COG6: variants seen among roughly 807,000 people sequenced by gnomAD.
COG6 encodes conserved oligomeric Golgi complex subunit 6.
In COG6, 74 loss-of-function variants were observed where a neutral mutation model predicts 88.8. That is an observed-to-expected ratio of 0.83 (90% CI 0.69 to 1.01). The LOEUF is 1.01. Ranked by LOEUF, COG6 falls within the 50% of genes least tolerant of loss-of-function variation. The probability of loss-of-function intolerance (pLI) is 0.00; values close to 1 mark genes in which losing one functional copy is unlikely to be tolerated. For synonymous variants in COG6, 286 were observed against 278.7 expected (o/e 1.03, Z -0.26); for missense variants, 800 against 797.9 (o/e 1.00, Z -0.03).
chr13:39,733,930 T>C (rs1193925209), intron 18 of COG6, among the ~76,000 whole-genome samples: 2 of 152,182 alleles, frequency 1.3e-5, no homozygotes, highest in Non-Finnish European at 2.9e-5. Flanking sequence ...CATAGTAGCC[T>C]ATAATGAGCC....
intron 18 of COG6, among the ~76,000 whole-genome samples, chr13:39,758,197 C>T (rs991292031): frequency 6.4e-5 from 8 of 124,466 alleles, no homozygotes; most frequent in Admixed American, 1.1e-4. Flanking sequence ...TTCGGCCTGG[C>T]GACAGAGCGA....
At chr13:39,762,749 G>C (rs1466670307) in intron 18 of COG6, among the ~76,000 whole-genome samples, 1 of 145,168 alleles carries the variant, frequency 6.9e-6, no homozygotes, top group Admixed American at 7.2e-5. Flanking sequence ...ATCTATTTGA[G>C]ACAAAATAAG....
At chr13:39,717,280 G>A (rs1878575908) in intron 13 of COG6, among the ~76,000 whole-genome samples, 1 of 151,832 alleles carries the variant, frequency 6.6e-6, no homozygotes, top group African/African-American at 2.4e-5. Flanking sequence ...TGATTATGAT[G>A]TGTGTTACTG....
chr13:39,680,320 T>C (rs1218430918), intron 7 of COG6, among the ~76,000 whole-genome samples: 1 of 152,224 alleles, frequency 6.6e-6, no homozygotes, highest in Non-Finnish European at 1.5e-5. Context: ...AGCCAAGCAG[T>C]ATGCTTGATT....
rs760991978 is a variant in COG6 at position 39,665,121 on chromosome 13, T to G, written c.395T>G (p.Leu132Ter). 2 of 1,515,776 alleles carry G rather than the reference T, an allele frequency of 1.3e-6. No individual in the cohort carries two copies. Among genetic ancestry groups the G allele is most frequent in the Non-Finnish European group, 1.8e-6 (2 of 1,091,310 alleles). 93.9% of individuals were successfully genotyped at this position (1,515,776 alleles called of 1,614,324 possible). A position where few individuals can be genotyped will look rare whatever the true frequency, so the allele number is the denominator to read the frequency against. ...LQAAKEQTQD[L>*]IVKTTKLQSE... is the part of the protein sequence containing the mutation. The stretch of plus-strand genomic sequence containing the variant: ...GCAGCAAAGGAACAGACTCAAGATT[T>G]AATAGTAAAAACCACTAAGCTTCAA... Residue 132 changes from leucine (L) to a stop codon, truncating the protein, a stop_gained, in exon 4 of 19, where the codon TTA becomes TGA. Transcript: ENST00000455146. LOFTEE classifies it high-confidence loss of function.
At chr13:39,756,653 T>A (rs1880844986), downstream of COG6, among the ~76,000 whole-genome samples, 1 of 151,814 alleles carries the variant, frequency 6.6e-6, no homozygotes, top group South Asian at 2.1e-4. Context: ...CACGTACAAG[T>A]GATCCTCCAT....
intron 14 of COG6, 28 bp from the exon 15 acceptor site, chr13:39,719,632 A>G: frequency 3.8e-6 from 6 of 1,595,342 alleles, no homozygotes; most frequent in Non-Finnish European, 4.3e-6. Context: ...TTGAGAAATA[A>G]AGAGTTCATT....
chr13:39,697,051 G>A (rs1877316478), intron 12 of COG6, among the ~76,000 whole-genome samples: 1 of 150,372 alleles, frequency 6.7e-6, no homozygotes, highest in Non-Finnish European at 1.5e-5. Context: ...GCTGAGATAG[G>A]GAATGCTGGA....
At chr13:39,741,861 C>A (rs905775778) in intron 18 of COG6, among the ~76,000 whole-genome samples, 4 of 152,208 alleles carry the variant, frequency 2.6e-5, no homozygotes, top group African/African-American at 4.8e-5. Flanking sequence ...AGAGAAAGGT[C>A]GGGTTACCCA....
chr13:39,747,958 T>C (rs9548916), intron 18 of COG6, among the ~76,000 whole-genome samples: 63,312 of 151,988 alleles, frequency 0.42, 13,559 homozygotes, highest in Admixed American at 0.57. Flanking sequence ...AATTGTACAT[T>C]ATTCTTATTT....
chr13:39,748,348 C>T (rs544190843), intron 18 of COG6, among the ~76,000 whole-genome samples: 5 of 152,262 alleles, frequency 3.3e-5, no homozygotes, highest in South Asian at 4.2e-4. Flanking sequence ...GGCACAGTGG[C>T]TCATGCCTGT....
intron 2 of COG6, among the ~76,000 whole-genome samples, chr13:39,660,186 T>A (rs192773167): frequency 1.2e-3 from 183 of 152,150 alleles, no homozygotes; most frequent in Non-Finnish European, 2.4e-3. Context: ...AGGATTTTTT[T>A]AAAAAAAATT....
chr13:39,686,139 T>C (rs1876625397), intron 8 of COG6, among the ~76,000 whole-genome samples: 1 of 152,218 alleles, frequency 6.6e-6, no homozygotes, highest in Admixed American at 6.5e-5. Flanking sequence ...TTTGGGTATC[T>C]TGGGAAGTTT....
At chr13:39,667,836 A>C (rs558506033) in intron 4 of COG6, among the ~76,000 whole-genome samples, 57 of 152,348 alleles carry the variant, frequency 3.7e-4, no homozygotes, top group African/African-American at 1.3e-3. Context: ...TAAGAAGGAC[A>C]TGATGGCTGT....
At chr13:39,752,767 G>C, downstream of COG6, 1 of 727,874 alleles carries the variant, frequency 1.4e-6, no homozygotes, top group Non-Finnish European at 1.8e-6. Context: ...GAAAAATGTG[G>C]TATATATGAT....
chr13:39,665,659 TTGCTAAAACTCATAGCAATTA>T (rs1396786690), intron 4 of COG6, among the ~76,000 whole-genome samples: 2 of 152,210 alleles, frequency 1.3e-5, no homozygotes, highest in East Asian at 1.9e-4. Context: ...GTGTTCAGTA[TTGCTAAAACTCATAGCAATTA>T]TGCTAAAACT....
At chr13:39,656,139 G>A (rs1369124145) in intron 1 of COG6, 5 of 632,188 alleles carry the variant, frequency 7.9e-6, no homozygotes, top group South Asian at 7.6e-5. Context: ...CTCTCTGGAT[G>A]GGATTGGTGA....
In COG6 at chr13:39,659,572, G is replaced by A. The variant is rs1025505779; in HGVS notation, c.297+65G>A. On this transcript the variant is annotated intron_variant, in intron 2 of 18. Transcript: ENST00000455146. ...ACTATTACGCCTGGCTCTGTGCTAA[G>A]TATTTTTTTGAATTAGGTTGATATG... 7 of 1,407,354 alleles carry A rather than the reference G, an allele frequency of 5.0e-6. No homozygotes were observed. In the Middle Eastern group the frequency reaches 7.3e-4, roughly 147 times the overall value. 87.2% of individuals were successfully genotyped at this position (1,407,354 alleles called of 1,614,324 possible). A position where few individuals can be genotyped will look rare whatever the true frequency, so the allele number is the denominator to read the frequency against.
downstream of COG6, among the ~76,000 whole-genome samples, chr13:39,756,671 A>G (rs547000503): frequency 6.6e-6 from 1 of 152,096 alleles, no homozygotes; most frequent in Admixed American, 6.6e-5. Context: ...CATAAGATGA[A>G]TATCCTAATT....
Sources: allele counts gnomAD v4.1 joint callset (sites outside exome capture counted in the v4.1 genomes callset), GRCh38; gene constraint gnomAD v4.1.1; transcripts MANE v1.5; gene names NCBI Gene and HGNC (gene_info 2026-07-23, HGNC 2026-07-21).